Variants in SMAD1 observed in about 807,000 individuals in gnomAD.
SMAD1 encodes MAD, mothers against decapentaplegic homolog 1.
Under a neutral mutation model 41.6 loss-of-function variants are expected in SMAD1, and 6 were observed. That is an observed-to-expected ratio of 0.14 (90% CI 0.08 to 0.28). The LOEUF is 0.28. Among genes scored for constraint, SMAD1 ranks in the 10% least tolerant of loss-of-function variants. The pLI is 1.00. For synonymous variants in SMAD1, 206 were observed against 203.2 expected, an observed-to-expected ratio of 1.01 and a Z score of -0.12; for missense variants, 379 against 582.6, an observed-to-expected ratio of 0.65 and a Z score of 3.60.
At chr4:145,508,563 A>G (rs1298050871) in intron 1 of SMAD1, among the ~76,000 whole-genome samples, 2 of 152,192 alleles carry the variant, frequency 1.3e-5, no homozygotes, top group African/African-American at 2.4e-5. Context: ...AGTAATGAAC[A>G]CACAAAATGT....
chr4:145,508,514 A>G (rs560789769), intron 1 of SMAD1, among the ~76,000 whole-genome samples: 1 of 152,206 alleles, frequency 6.6e-6, no homozygotes, highest in Admixed American at 6.5e-5. Flanking sequence ...CTAAGATTAA[A>G]CTGGTTAATA....
chr4:145,506,144 C>CAAAA (rs1336851898), intron 1 of SMAD1, among the ~76,000 whole-genome samples: 3 of 151,322 alleles, frequency 2.0e-5, no homozygotes, highest in African/African-American at 7.3e-5. Context: ...CCTGGCCGAT[C>CAAAA]AAACAGAATT....
intron 1 of SMAD1, among the ~76,000 whole-genome samples, chr4:145,490,258 A>G (rs1232172723): frequency 6.6e-6 from 1 of 152,174 alleles, no homozygotes; most frequent in Non-Finnish European, 1.5e-5. Flanking sequence ...AAGGAGGGAG[A>G]GTTGTCTGAG....
chr4:145,490,086 A>C (rs1728694452), intron 1 of SMAD1, among the ~76,000 whole-genome samples: 1 of 152,240 alleles, frequency 6.6e-6, no homozygotes, highest in African/African-American at 2.4e-5. Context: ...TGAATACATT[A>C]AGAAGTGAGA....
At chr4:145,541,994 T>A (rs981214634) in intron 3 of SMAD1, among the ~76,000 whole-genome samples, 1 of 152,256 alleles carries the variant, frequency 6.6e-6, no homozygotes, top group Admixed American at 6.5e-5. Flanking sequence ...ATAAACTGAT[T>A]CATTTTCTGT....
In SMAD1 at chr4:145,542,617, G is replaced by A; in HGVS notation, c.694G>A (p.Asp232Asn). 1.2e-6 allele frequency: 2 copies of A among 1,610,966 alleles called. No individual in the cohort carries two copies. Among genetic ancestry groups the A allele is most frequent in the Non-Finnish European group, 1.7e-6 (2 of 1,178,788 alleles). Residue 232 changes from aspartate (D) to asparagine (N), a missense_variant, in exon 4 of 7, where the codon GAC becomes AAC. Physicochemically the swap from Asp to Asn is conservative, Grantham distance 23. Around this residue, in one of 3 missense-constraint regions of SMAD1, gnomAD observed 208 missense variants for 210.5 expected, o/e 0.99. Transcript: ENST00000302085. ...TPPPAYLPPE[D>N]PMTQDGSQPM... is the part of the protein sequence containing the mutation. The stretch of plus-strand genomic sequence containing the variant: ...CCCACCTGCTTACCTGCCTCCTGAA[G>A]ACCCCATGACCCAGGATGGCTCTCA...
At chr4:145,557,055 A>T (rs1412181918) in intron 6 of SMAD1, among the ~76,000 whole-genome samples, 1 of 152,218 alleles carries the variant, frequency 6.6e-6, no homozygotes, top group African/African-American at 2.4e-5. Context: ...GATATTCCTC[A>T]TGAAACAGTG....
At chr4:145,540,792 C>T (rs768935555) in intron 3 of SMAD1, among the ~76,000 whole-genome samples, 1 of 150,326 alleles carries the variant, frequency 6.7e-6, no homozygotes, top group Non-Finnish European at 1.5e-5. Flanking sequence ...AGAAAGATAC[C>T]CTAAACAAAA....
At chr4:145,513,213 C>T (rs1451160891) in intron 1 of SMAD1, 2 of 152,208 alleles carry the variant, frequency 1.3e-5, no homozygotes, top group African/African-American at 4.8e-5. Flanking sequence ...ATATTCAGCT[C>T]ACTTCATTGC....
chr4:145,536,847 C>A (rs1354572971), intron 2 of SMAD1, among the ~76,000 whole-genome samples: 3 of 152,010 alleles, frequency 2.0e-5, no homozygotes, highest in African/African-American at 7.2e-5. Context: ...ACCAAGTGAT[C>A]AGGATTAAAC....
At chr4:145,529,189 T>C (rs1363424266) in intron 2 of SMAD1, among the ~76,000 whole-genome samples, 1 of 152,236 alleles carries the variant, frequency 6.6e-6, no homozygotes, top group Non-Finnish European at 1.5e-5. Flanking sequence ...TGCTTCTGAC[T>C]GTTACTATAC....
rs758690685 is a variant in SMAD1 at position 145,557,974 on chromosome 4, T to C, written c.*40T>C. 3 of 1,505,728 alleles carry C rather than the reference T, an allele frequency of 2.0e-6. No individual in the cohort carries two copies. The highest frequency in any genetic ancestry group is 2.7e-6 in the Non-Finnish European group (3 of 1,109,582). 93.3% of individuals were successfully genotyped at this position (1,505,728 alleles called of 1,614,324 possible). ...CTGCCTCTGGAAAACTATTGAGCCT[T>C]GCATGTACTTGAAGGATGGATGAGT... On this transcript the variant is annotated 3_prime_UTR_variant, in exon 7 of 7. Coordinates refer to ENST00000302085, the MANE Select transcript of SMAD1 (RefSeq NM_005900.3).
intron 1 of SMAD1, among the ~76,000 whole-genome samples, chr4:145,496,921 A>G (rs1307851911): frequency 6.6e-6 from 1 of 152,198 alleles, no homozygotes; most frequent in Non-Finnish European, 1.5e-5. Context: ...TTTTTTGCCT[A>G]TACTCTGAAT....
intron 5 of SMAD1, among the ~76,000 whole-genome samples, chr4:145,552,028 G>T (rs1018764138): frequency 1.3e-5 from 2 of 152,152 alleles, no homozygotes; most frequent in African/African-American, 4.8e-5. Flanking sequence ...TATTTTAAAT[G>T]TTTGCAAAGA....
chr4:145,557,000 C>T (rs541275599), intron 6 of SMAD1, among the ~76,000 whole-genome samples: 12 of 151,974 alleles, frequency 7.9e-5, no homozygotes, highest in South Asian at 2.1e-4. Context: ...CTTAAAACTA[C>T]GGGAGTAGAT....
intron 3 of SMAD1, among the ~76,000 whole-genome samples, chr4:145,540,400 T>C (rs191768616): frequency 4.0e-4 from 61 of 152,372 alleles, no homozygotes; most frequent in Non-Finnish European, 7.6e-4. Context: ...ACACATTTGC[T>C]CTTATGAGAA....
intron 5 of SMAD1, among the ~76,000 whole-genome samples, chr4:145,548,374 G>T (rs192705247): frequency 5.4e-4 from 82 of 152,084 alleles, no homozygotes; most frequent in Admixed American, 4.3e-3. Context: ...GAGGTTACAG[G>T]TGTGCACCAC....
intron 2 of SMAD1, among the ~76,000 whole-genome samples, chr4:145,515,706 A>G (rs1435816911): frequency 6.6e-6 from 1 of 152,214 alleles, no homozygotes; most frequent in Non-Finnish European, 1.5e-5. Context: ...GTTAGAATCT[A>G]CATTCTAGAG....
intron 1 of SMAD1, among the ~76,000 whole-genome samples, chr4:145,503,610 C>T (rs545732644): frequency 3.3e-5 from 5 of 152,168 alleles, no homozygotes; most frequent in African/African-American, 7.2e-5. Flanking sequence ...AATGCAGGCA[C>T]TTCACCTGTT....
Sources: allele counts gnomAD v4.1 joint callset (sites outside exome capture counted in the v4.1 genomes callset), GRCh38; gene constraint gnomAD v4.1.1; regional missense constraint gnomAD v4.1.1; transcripts MANE v1.5; gene names NCBI Gene and HGNC (gene_info 2026-07-23, HGNC 2026-07-21).